Variants in COG5 observed in about 807,000 individuals in gnomAD.
COG5 encodes conserved oligomeric Golgi complex subunit 5.
In COG5, 86 loss-of-function variants were observed where a neutral mutation model predicts 110.4. That is an observed-to-expected ratio of 0.78 (90% confidence interval 0.65 to 0.93). COG5 has a LOEUF of 0.93. COG5 is among the 40% of genes least tolerant of loss of function. The pLI is 0.00. For synonymous variants in COG5, 360 were observed against 334.6 expected (o/e 1.08, Z -0.83); for missense variants, 1,077 against 987.0 (o/e 1.09, Z -1.22).
At chr7:107,518,687 T>C (rs1800117730) in intron 6 of COG5, among the ~76,000 whole-genome samples, 1 of 152,100 alleles carries the variant, frequency 6.6e-6, no homozygotes, top group African/African-American at 2.4e-5. Context: ...ACAAAGAGAC[T>C]CAGACTCCCA....
chr7:107,253,937 C>A (rs559739592), intron 16 of COG5, among the ~76,000 whole-genome samples: 18 of 152,162 alleles, frequency 1.2e-4, no homozygotes, highest in African/African-American at 4.1e-4. Flanking sequence ...TCCTTCCATC[C>A]CCATTCTCTA....
rs575971482 is a variant in COG5 at position 107,535,694 on chromosome 7, C to T, written c.418-8337G>A. Among the ~76,000 whole-genome samples the T allele has an allele frequency of 2.3e-4, 35 of 152,246 alleles. No individual in the cohort carries two copies. The East Asian group carries it at 2.5e-3, about 11-fold the overall frequency. On this transcript the variant is annotated intron_variant, in intron 5 of 21. Coordinates refer to ENST00000297135, the MANE Select transcript of COG5 (RefSeq NM_006348.5). Reference sequence around the variant, plus strand: ...CCTACTAACCAAAAATAGCCCAGGACCAGACAGATCAACAGCTGAATTCTA... The same window carrying T: ...CCTACTAACCAAAAATAGCCCAGGATCAGACAGATCAACAGCTGAATTCTA...
In COG5 at chr7:107,262,293, A is replaced by C. The variant is rs574229054; in HGVS notation, c.1576-3910T>G. On this transcript the variant is annotated intron_variant, in intron 14 of 21. Transcript: ENST00000297135. Reference sequence around the variant, plus strand: ...AGGAGTCCCTGATACCCACTTCTTTATTTCCTTCCTTTCTGGATTAGATTA... The same window carrying C: ...AGGAGTCCCTGATACCCACTTCTTTCTTTCCTTCCTTTCTGGATTAGATTA... Among the ~76,000 whole-genome samples the C allele has an allele frequency of 2.6e-5, 4 of 151,992 alleles. No homozygotes were observed. In the East Asian group the frequency reaches 7.8e-4, roughly 30 times the overall value.
chr7:107,431,942 C>A (rs1254359048), intron 6 of COG5, among the ~76,000 whole-genome samples: 2 of 152,116 alleles, frequency 1.3e-5, no homozygotes, highest in Non-Finnish European at 2.9e-5. Flanking sequence ...AAGGTACGAA[C>A]CTGCCCAATC....
intron 6 of COG5, among the ~76,000 whole-genome samples, chr7:107,479,231 T>C (rs1237560833): frequency 6.6e-6 from 1 of 152,098 alleles, no homozygotes; most frequent in Non-Finnish European, 1.5e-5. Flanking sequence ...CAGCATATTC[T>C]GGAAGAGCAA....
chr7:107,560,357 G>A (rs1323244287), intron 1 of COG5, among the ~76,000 whole-genome samples: 1 of 152,158 alleles, frequency 6.6e-6, no homozygotes, highest in Admixed American at 6.5e-5. Flanking sequence ...TGAATAAGTG[G>A]CACTAAGAAT....
At chr7:107,279,678 T>A (rs1805011351) in intron 14 of COG5, among the ~76,000 whole-genome samples, 1 of 152,124 alleles carries the variant, frequency 6.6e-6, no homozygotes, top group Non-Finnish European at 1.5e-5. Context: ...ATATGATGTT[T>A]TTTATAATCT....
intron 17 of COG5, among the ~76,000 whole-genome samples, chr7:107,241,597 G>A (rs1157902579): frequency 1.3e-5 from 2 of 151,306 alleles, no homozygotes; most frequent in Admixed American, 6.6e-5. Flanking sequence ...GACTACAGGC[G>A]CCCGCCACCA....
At chr7:107,415,416 A>G (rs1207323436) in intron 6 of COG5, among the ~76,000 whole-genome samples, 1 of 152,144 alleles carries the variant, frequency 6.6e-6, no homozygotes, top group African/African-American at 2.4e-5. Flanking sequence ...GCCATTTTTT[A>G]AAAACAAACC....
chr7:107,203,612 A>G lies in COG5; in HGVS notation c.2394T>C (p.Tyr798=), dbSNP rs1329917012. The change falls in exon 22 of 22, where the codon TAT becomes TAC. Residue 798 remains tyrosine (Y), a synonymous_variant. Transcript: ENST00000297135. ...LLLIRGALEA[Y]VQSVRSREGK... ...CTTCTCTACTTCTCACTGATTGAAC[A>G]TAAGCTTCCAGGGCTCCCCTGAAAA... 2.5e-6 allele frequency: 4 copies of G among 1,613,636 alleles called. No homozygotes were observed. Among genetic ancestry groups the G allele is most frequent in the Non-Finnish European group, 3.4e-6 (4 of 1,179,670 alleles).
At chr7:107,388,801 G>A (rs910055387) in intron 7 of COG5, among the ~76,000 whole-genome samples, 4 of 152,098 alleles carry the variant, frequency 2.6e-5, no homozygotes, top group Middle Eastern at 3.2e-3. Flanking sequence ...CCAGCATGGC[G>A]CATCAAACCA....
intron 3 of COG5, among the ~76,000 whole-genome samples, chr7:107,552,984 T>C (rs949812560): frequency 1.2e-4 from 19 of 152,260 alleles, no homozygotes; most frequent in African/African-American, 4.3e-4. Flanking sequence ...CTGAAGGTGA[T>C]TATCCTAAGC....
intron 6 of COG5, among the ~76,000 whole-genome samples, chr7:107,433,133 A>T (rs1404941207): frequency 6.6e-6 from 1 of 152,178 alleles, no homozygotes; most frequent in African/African-American, 2.4e-5. Context: ...AGAGAAAATA[A>T]AGAGGCAAAA....
Position 107,357,778 on chromosome 7 carries a change from C to T in COG5, c.1026+4255G>A, listed in dbSNP as rs535910273. Among the ~76,000 whole-genome samples, 15 of 152,272 alleles carry T rather than the reference C, an allele frequency of 9.9e-5. No individual in the cohort carries two copies. The South Asian group carries it at 3.1e-3, about 32-fold the overall frequency. On this transcript the variant is annotated intron_variant, in intron 10 of 21. Transcript: ENST00000297135. ...TGAACTCCTAGGCTCAAGCAATCCT[C>T]CTGCTTCAGACTCCTGAATATCTGG...
intron 7 of COG5, among the ~76,000 whole-genome samples, chr7:107,404,123 C>A (rs1791636693): frequency 6.6e-6 from 1 of 152,062 alleles, no homozygotes; most frequent in Admixed American, 6.6e-5. Flanking sequence ...ACTAATTTCA[C>A]AACTGGTAAA....
chr7:107,334,999 T>A (rs555970265), intron 10 of COG5, among the ~76,000 whole-genome samples: 43 of 152,372 alleles, frequency 2.8e-4, no homozygotes, highest in Admixed American at 4.6e-4. Context: ...TGACATGTTT[T>A]ATATTTATAG....
At chr7:107,257,090 C>G (rs1245929204) in intron 15 of COG5, among the ~76,000 whole-genome samples, 1 of 152,080 alleles carries the variant, frequency 6.6e-6, no homozygotes, top group East Asian at 1.9e-4. Context: ...TTGAAAAGGT[C>G]AGAATAAAGC....
intron 7 of COG5, among the ~76,000 whole-genome samples, chr7:107,398,831 C>T (rs549251194): frequency 5.3e-5 from 8 of 152,212 alleles, no homozygotes; most frequent in Admixed American, 5.2e-4. Flanking sequence ...TGACTACAAA[C>T]AAGCATGAAG....
intron 5 of COG5, among the ~76,000 whole-genome samples, chr7:107,534,940 G>A (rs1801472068): frequency 6.6e-6 from 1 of 151,558 alleles, no homozygotes; most frequent in South Asian, 2.1e-4. Flanking sequence ...CTCAGGAAAT[G>A]TAAAAGAATG....
Sources: allele counts gnomAD v4.1 joint callset (sites outside exome capture counted in the v4.1 genomes callset), GRCh38; gene constraint gnomAD v4.1.1; transcripts MANE v1.5; gene names NCBI Gene and HGNC (gene_info 2026-07-23, HGNC 2026-07-21).